The following MAGI1 variants were observed in gnomAD, a reference collection of about 807,000 sequenced individuals.
The protein encoded by MAGI1 is membrane associated guanylate kinase, WW and PDZ domain containing 1.
Under a neutral mutation model 139.9 loss-of-function variants are expected in MAGI1, and 58 were observed. That is an observed-to-expected ratio of 0.41 (90% CI 0.34 to 0.52). The LOEUF is 0.52. MAGI1 is among the 20% of genes least tolerant of loss of function. The pLI, the probability that MAGI1 is intolerant of heterozygous loss-of-function variation, is 0.12. For synonymous variants in MAGI1, 812 were observed against 737.9 expected (o/e 1.10, Z -1.63); for missense variants, 1,874 against 1,901.6 (o/e 0.99, Z 0.27).
At chr3:65,950,967 G>GA (rs756768542) in intron 1 of MAGI1, among the ~76,000 whole-genome samples, 1 of 5,138 alleles carries the variant, frequency 1.9e-4, no homozygotes. Context: ...AGAGAAGGAA[G>GA]GAAGGAAGGA....
At chr3:65,361,413 C>G in intron 21 of MAGI1, 76 bp from the exon 22 acceptor site, 1 of 1,468,296 alleles carries the variant, frequency 6.8e-7, no homozygotes, top group Non-Finnish European at 9.4e-7. Context: ...AAGCACGTGG[C>G]AGAACATCTA....
chr3:65,430,137 T>A lies in MAGI1; in HGVS notation c.1550A>T (p.Asp517Val), dbSNP rs764671209. The change falls in exon 12 of 23, where the codon GAT (aspartate) becomes GTT (valine). Residue 517 changes from aspartate to valine, a missense_variant. By Grantham distance (152) the Asp-to-Val change is radical. Around this residue, in one of 5 missense-constraint regions of MAGI1, gnomAD observed 86 missense variants for 130.0 expected, o/e 0.66. Transcript: ENST00000402939. ...AALDGKMETG[D>V]VIVSVNDTCV... ...GGTGTCATTCACACTTACAATCACA[T>A]CCCCTGTAGAAGGCAAGAGTGTGGG... The A allele has an allele frequency of 1.2e-6, 2 of 1,610,964 alleles. No homozygotes were observed. The highest frequency in any genetic ancestry group is 1.7e-6 in the Non-Finnish European group (2 of 1,177,574).
chr3:65,944,659 G>A (rs2106875801), intron 1 of MAGI1, among the ~76,000 whole-genome samples: 1 of 152,324 alleles, frequency 6.6e-6, no homozygotes, highest in East Asian at 1.9e-4. Context: ...AGGGAGCCAT[G>A]AAGGGAGTCC....
At chr3:65,737,150 A>C (rs1430024821) in intron 1 of MAGI1, among the ~76,000 whole-genome samples, 3 of 151,980 alleles carry the variant, frequency 2.0e-5, no homozygotes, top group Non-Finnish European at 4.4e-5. Flanking sequence ...GACTACAGGC[A>C]CCGCCACCAC....
intron 2 of MAGI1, chr3:65,499,064 A>C: frequency 1.0e-6 from 1 of 982,994 alleles, no homozygotes; most frequent in Non-Finnish European, 1.2e-6. Flanking sequence ...CGCTCTTAAA[A>C]AAAAAAAAAC....
chr3:65,702,733 A>C (rs2089703182), intron 1 of MAGI1, among the ~76,000 whole-genome samples: 1 of 152,012 alleles, frequency 6.6e-6, no homozygotes, highest in Non-Finnish European at 1.5e-5. Flanking sequence ...ACTGGTACTT[A>C]TTTTGTTTGT....
intron 1 of MAGI1, among the ~76,000 whole-genome samples, chr3:65,666,680 A>G (rs1028470070): frequency 6.6e-6 from 1 of 152,190 alleles, no homozygotes; most frequent in African/African-American, 2.4e-5. Flanking sequence ...CAATGCTGAG[A>G]AGTGTTATTT....
At chr3:65,773,358 C>A (rs2038110733) in intron 1 of MAGI1, among the ~76,000 whole-genome samples, 1 of 151,820 alleles carries the variant, frequency 6.6e-6, no homozygotes, top group Admixed American at 6.6e-5. Flanking sequence ...CACAGTGAAA[C>A]CTCATCTCCA....
chr3:65,617,319 T>C (rs74602036), intron 2 of MAGI1, among the ~76,000 whole-genome samples: 4,385 of 152,208 alleles, frequency 0.029, 98 homozygotes, highest in Admixed American at 0.06. Context: ...TGAGGAGGAA[T>C]GGGAGGGGCA....
intron 1 of MAGI1, among the ~76,000 whole-genome samples, chr3:65,711,939 T>A (rs966438241): frequency 6.6e-6 from 1 of 152,134 alleles, no homozygotes; most frequent in African/African-American, 2.4e-5. Flanking sequence ...CATATCTCCT[T>A]CAGAACCCTT....
intron 1 of MAGI1, among the ~76,000 whole-genome samples, chr3:65,647,970 A>G (rs992139237): frequency 6.6e-6 from 1 of 152,184 alleles, no homozygotes; most frequent in Admixed American, 6.5e-5. Flanking sequence ...CAGAAAAGTA[A>G]ATAAAAGGCA....
At chr3:65,581,249 T>C (rs1048396854) in intron 2 of MAGI1, among the ~76,000 whole-genome samples, 4 of 152,144 alleles carry the variant, frequency 2.6e-5, no homozygotes, top group Non-Finnish European at 4.4e-5. Flanking sequence ...CAAAGGACTT[T>C]TCTGGAATGA....
At chr3:65,797,653 C>T (rs1474367125) in intron 1 of MAGI1, among the ~76,000 whole-genome samples, 1 of 152,024 alleles carries the variant, frequency 6.6e-6, no homozygotes, top group East Asian at 1.9e-4. Context: ...GAGTTCGAAG[C>T]TGCAGTAGGC....
intron 1 of MAGI1, among the ~76,000 whole-genome samples, chr3:65,695,824 G>T (rs1164783500): frequency 6.6e-6 from 1 of 152,190 alleles, no homozygotes; most frequent in South Asian, 2.1e-4. Flanking sequence ...AGGACACTGG[G>T]AAAGGCCTCT....
At chr3:65,754,334 A>C (rs1330176304) in intron 1 of MAGI1, among the ~76,000 whole-genome samples, 4 of 152,310 alleles carry the variant, frequency 2.6e-5, no homozygotes, top group African/African-American at 9.6e-5. Flanking sequence ...TAATGAGCTA[A>C]TTACTGAAGA....
chr3:65,484,473 T>C (rs1323242274), intron 3 of MAGI1, among the ~76,000 whole-genome samples: 3 of 152,180 alleles, frequency 2.0e-5, no homozygotes, highest in Admixed American at 1.3e-4. Flanking sequence ...GTTTTCTTTT[T>C]TGAGGGGGAG....
At chr3:65,678,384 C>T (rs1401518811) in intron 1 of MAGI1, among the ~76,000 whole-genome samples, 1 of 151,482 alleles carries the variant, frequency 6.6e-6, no homozygotes, top group African/African-American at 2.4e-5. Flanking sequence ...GCTGCTTATA[C>T]AGCAAAGTGA....
chr3:65,901,002 A>C (rs992135857), intron 1 of MAGI1, among the ~76,000 whole-genome samples: 1 of 152,256 alleles, frequency 6.6e-6, no homozygotes, highest in African/African-American at 2.4e-5. Context: ...AAATACCTAC[A>C]GAAAAACCTG....
intron 1 of MAGI1, among the ~76,000 whole-genome samples, chr3:65,831,835 A>T (rs1288504442): frequency 6.6e-6 from 1 of 152,208 alleles, no homozygotes; most frequent in Non-Finnish European, 1.5e-5. Context: ...ACAGATTTGA[A>T]ATTTAAAAAG....
Sources: allele counts gnomAD v4.1 joint callset (sites outside exome capture counted in the v4.1 genomes callset), GRCh38; gene constraint gnomAD v4.1.1; regional missense constraint gnomAD v4.1.1; transcripts MANE v1.5; gene names NCBI Gene and HGNC (gene_info 2026-07-23, HGNC 2026-07-21).